Variants in SLC39A8 observed in about 807,000 individuals in gnomAD.
SLC39A8 encodes metal cation symporter ZIP8.
In SLC39A8, 15 loss-of-function variants were observed where a neutral mutation model predicts 40.4. That is an observed-to-expected ratio of 0.37 (90% confidence interval 0.25 to 0.57). The LOEUF (loss-of-function observed/expected upper bound fraction) is 0.57. SLC39A8 is among the 20% of genes least tolerant of loss of function. SLC39A8 has a pLI of 0.75. For synonymous variants in SLC39A8, 223 were observed against 221.6 expected, an observed-to-expected ratio of 1.01 and a Z score of -0.06; for missense variants, 472 against 558.8, an observed-to-expected ratio of 0.84 and a Z score of 1.57.
downstream of SLC39A8, chr4:102,259,540 T>G: frequency 6.7e-7 from 1 of 1,481,890 alleles, no homozygotes; most frequent in Non-Finnish European, 9.2e-7. Context: ...AACAAACTGG[T>G]ATTATGGGGG....
chr4:102,274,349 T>C (rs1732516086), intron 6 of SLC39A8, among the ~76,000 whole-genome samples: 1 of 151,934 alleles, frequency 6.6e-6, no homozygotes, highest in Non-Finnish European at 1.5e-5. Context: ...AGAAAGTATA[T>C]CAGAAATTGA....
At chr4:102,337,366 C>T (rs760775011) in intron 2 of SLC39A8, among the ~76,000 whole-genome samples, 4 of 151,890 alleles carry the variant, frequency 2.6e-5, no homozygotes, top group Non-Finnish European at 5.9e-5. Context: ...CAATATATCC[C>T]AAGATAAGAA....
At chr4:102,272,750 G>T (rs1205745801) in intron 6 of SLC39A8, among the ~76,000 whole-genome samples, 2 of 152,036 alleles carry the variant, frequency 1.3e-5, no homozygotes, top group Admixed American at 6.6e-5. Flanking sequence ...TCCAACTGAG[G>T]TACCCAGTTC....
At chr4:102,320,812 G>T (rs1578613615) in intron 2 of SLC39A8, among the ~76,000 whole-genome samples, 1 of 146,804 alleles carries the variant, frequency 6.8e-6, no homozygotes, top group Admixed American at 6.9e-5. Flanking sequence ...ATATCCTGTT[G>T]GTTTTGTTTC....
intron 6 of SLC39A8, among the ~76,000 whole-genome samples, chr4:102,292,085 T>C (rs390878): frequency 0.76 from 115,408 of 151,710 alleles, 44,208 homozygotes; most frequent in African/African-American, 0.81. Flanking sequence ...GACAGAGTTA[T>C]ACTTAGAAAG....
At chr4:102,266,264 C>T (rs1034490404) in intron 8 of SLC39A8, among the ~76,000 whole-genome samples, 1 of 151,936 alleles carries the variant, frequency 6.6e-6, no homozygotes, top group Non-Finnish European at 1.5e-5. Flanking sequence ...CTGAACAACT[C>T]TAGTAAGATT....
In SLC39A8 at chr4:102,267,958, G is replaced by A. The variant is rs772759492; in HGVS notation, c.962C>T (p.Ala321Val). Residue 321 changes from alanine to valine, a missense_variant, in exon 7 of 9, where the codon GCG becomes GTG. Ala to Val is a moderately conservative substitution (Grantham distance 64). Coordinates refer to ENST00000356736, the MANE Select transcript of SLC39A8 (RefSeq NM_001135146.2). ...DALHNFIDGLAIGASCTLSLL... is the reference protein window; with the variant it reads ...DALHNFIDGLVIGASCTLSLL... Reference sequence around the variant, plus strand: ...AGACAAGGTGCAGGAAGCCCCAATCGCCAGGCCATCGATGAAATTGTGGAG... The same window carrying A: ...AGACAAGGTGCAGGAAGCCCCAATCACCAGGCCATCGATGAAATTGTGGAG... The A allele has an allele frequency of 3.7e-6, 6 of 1,614,168 alleles. No homozygotes were observed. Among genetic ancestry groups the A allele is most frequent in the African/African-American group, 1.3e-5 (1 of 75,042 alleles).
intron 2 of SLC39A8, among the ~76,000 whole-genome samples, chr4:102,333,742 G>A (rs1735562291): frequency 6.6e-6 from 1 of 152,192 alleles, no homozygotes; most frequent in South Asian, 2.1e-4. Flanking sequence ...GCCAACTCAT[G>A]TAGAAAGCAT....
Position 102,267,685 on chromosome 4 carries a change from A to T in SLC39A8, c.1049-11T>A. 2.5e-6 allele frequency: 4 copies of T among 1,569,286 alleles called. No homozygotes were observed. The highest frequency in any genetic ancestry group is 3.4e-6 in the Non-Finnish European group (4 of 1,163,078). On this transcript the variant is annotated splice_polypyrimidine_tract_variant and intron_variant, in intron 7 of 8. Transcript: ENST00000356736. ...GGATCACAAAGTCTCCTAGAAGAAG[A>T]AGAAGAAAATATCAAGTGAATAGTT... is the stretch of plus-strand genomic sequence containing the variant.
At chr4:102,329,967 T>G (rs568013318) in intron 2 of SLC39A8, among the ~76,000 whole-genome samples, 37 of 152,020 alleles carry the variant, frequency 2.4e-4, no homozygotes, top group African/African-American at 7.9e-4. Flanking sequence ...AATAAGTAAT[T>G]TCTTTAAGAA....
intron 6 of SLC39A8, among the ~76,000 whole-genome samples, chr4:102,299,472 C>T (rs1157552269): frequency 3.3e-5 from 5 of 151,930 alleles, no homozygotes; most frequent in Non-Finnish European, 7.4e-5. Flanking sequence ...GCCCTATGTG[C>T]CAGCACTTAG....
intron 3 of SLC39A8, among the ~76,000 whole-genome samples, chr4:102,308,578 G>C (rs1397429859): frequency 6.6e-6 from 1 of 152,098 alleles, no homozygotes; most frequent in South Asian, 2.1e-4. Flanking sequence ...TGTGGGTGCA[G>C]GCTGAGATAC....
chr4:102,269,888 C>T (rs917368913), intron 6 of SLC39A8: 62 of 152,188 alleles, frequency 4.1e-4, no homozygotes, highest in African/African-American at 1.4e-3. Flanking sequence ...AAAATGTGGG[C>T]TTTTTATTTT....
downstream of SLC39A8, among the ~76,000 whole-genome samples, chr4:102,261,155 G>A (rs1366388479): frequency 1.3e-5 from 2 of 152,104 alleles, no homozygotes; most frequent in African/African-American, 2.4e-5. Flanking sequence ...TTTATTATAG[G>A]GTTAACCTCT....
At chr4:102,295,526 G>A (rs1733642783) in intron 6 of SLC39A8, among the ~76,000 whole-genome samples, 1 of 151,918 alleles carries the variant, frequency 6.6e-6, no homozygotes, top group Admixed American at 6.6e-5. Context: ...GCTGACCTAA[G>A]AGTTGGCAAT....
At chr4:102,267,738 G>A in intron 7 of SLC39A8, 64 bp from the exon 8 acceptor site, 1 of 1,526,334 alleles carries the variant, frequency 6.6e-7, no homozygotes, top group Non-Finnish European at 8.9e-7. Flanking sequence ...TGATATCAAA[G>A]ATAATCATCA....
In SLC39A8 at chr4:102,290,651, AAACG is replaced by A. The variant is rs1235081348; in HGVS notation, c.840+13662_840+13665del. Among the ~76,000 whole-genome samples, 1,122 of 152,188 alleles carry A rather than the reference AAACG, an allele frequency of 7.4e-3. 20 individuals carry two copies. Among genetic ancestry groups the A allele is most frequent in the African/African-American group, 0.025 (1,052 of 41,548 alleles). ...TTGAGTTTGTAGGTGTGAAGAAGGTAAACGTCAACAATTTGGCCCCTGAAAATGA... is the reference window on the plus strand; with the variant it reads ...TTGAGTTTGTAGGTGTGAAGAAGGTATCAACAATTTGGCCCCTGAAAATGA... On this transcript the variant is annotated intron_variant, in intron 6 of 8. Coordinates refer to ENST00000356736, the MANE Select transcript of SLC39A8 (RefSeq NM_001135146.2).
chr4:102,266,475 A>G (rs558356186), intron 8 of SLC39A8, among the ~76,000 whole-genome samples: 1 of 152,328 alleles, frequency 6.6e-6, no homozygotes, highest in Non-Finnish European at 1.5e-5. Flanking sequence ...TAAATTATGT[A>G]TGTAATACAT....
intron 6 of SLC39A8, among the ~76,000 whole-genome samples, chr4:102,299,906 T>C (rs1397169581): frequency 6.6e-6 from 1 of 151,992 alleles, no homozygotes; most frequent in East Asian, 1.9e-4. Context: ...ACCAAGGCTG[T>C]GTCTGGGCTG....
Sources: gnomAD v4.1 joint callset for allele counts (sites outside exome capture counted in the v4.1 genomes callset) on GRCh38, gnomAD v4.1.1 for gene constraint, MANE v1.5 for transcripts, NCBI Gene and HGNC (gene_info 2026-07-23, HGNC 2026-07-21) for gene names.